The following CDCA7L variants were observed in gnomAD, a reference collection of about 807,000 sequenced individuals.
The protein encoded by CDCA7L is cell division cycle-associated 7-like protein.
Under a neutral mutation model 57.4 loss-of-function variants are expected in CDCA7L, and 44 were observed. The observed-to-expected ratio is 0.77, with a 90% CI of 0.60 to 0.98. The LOEUF (loss-of-function observed/expected upper bound fraction) is 0.98. Among genes scored for constraint, CDCA7L ranks in the 50% least tolerant of loss-of-function variants. The pLI is 0.00. For synonymous variants in CDCA7L, 236 were observed against 202.8 expected, an observed-to-expected ratio of 1.16 and a Z score of -1.39; for missense variants, 644 against 580.6, an observed-to-expected ratio of 1.11 and a Z score of -1.12.
At chr7:21,907,718 T>TG (rs1785183494) in intron 4 of CDCA7L, among the ~76,000 whole-genome samples, 1 of 152,166 alleles carries the variant, frequency 6.6e-6, no homozygotes, top group African/African-American at 2.4e-5. Flanking sequence ...AGTGGTTCTG[T>TG]GGTGAAAAGC....
intron 1 of CDCA7L, among the ~76,000 whole-genome samples, chr7:21,937,140 C>G (rs989396275): frequency 1.3e-5 from 2 of 152,078 alleles, no homozygotes; most frequent in African/African-American, 4.8e-5. Flanking sequence ...CCGAAAAAAT[C>G]AAGGAAGACA....
At chr7:21,907,468 T>TA (rs767524661) in intron 4 of CDCA7L, among the ~76,000 whole-genome samples, 6 of 151,334 alleles carry the variant, frequency 4.0e-5, no homozygotes, top group African/African-American at 7.3e-5. Context: ...TAGAACTATT[T>TA]AAAAAAAAAC....
intron 1 of CDCA7L, among the ~76,000 whole-genome samples, chr7:21,940,910 A>C (rs1786321844): frequency 6.6e-6 from 1 of 152,240 alleles, no homozygotes; most frequent in South Asian, 2.1e-4. Flanking sequence ...CTTTCCCCCC[A>C]ACTAGAACAT....
Position 21,916,767 on chromosome 7 carries a change from T to A in CDCA7L, c.152A>T (p.Glu51Val). The part of the protein sequence containing the change: ...EESCDSFDSL[E>V]SGKQQDVRFH... The stretch of plus-strand genomic sequence containing the variant: ...AATCATCCATACCTGTTTCCCTGAC[T>A]CTAGTGAGTCAAAACTATCGCAGCT... The change falls in exon 2 of 10, where the codon GAG becomes GTG. Residue 51 changes from glutamate to valine, a missense_variant. Physicochemically the swap from Glu to Val is moderately radical, Grantham distance 121 (BLOSUM62 -2). Transcript: ENST00000406877. 6.2e-7 allele frequency: 1 copy of A among 1,614,014 alleles called. No homozygotes were observed. The highest frequency in any genetic ancestry group is 8.5e-7 in the Non-Finnish European group (1 of 1,179,948).
In CDCA7L at chr7:21,901,555, CAAGACTCCATCTCAAAAAAAA is replaced by C. The variant is rs561308487; in HGVS notation, c.*746_*766del. The C allele has an allele frequency of 1.2e-4, 26 of 211,468 alleles. 1 individual carries two copies. The East Asian group carries it at 2.4e-3, about 20-fold the overall frequency. 13.1% of individuals were successfully genotyped at this position (211,468 alleles called of 1,614,324 possible). On this transcript the variant is annotated 3_prime_UTR_variant, in exon 10 of 10. Transcript: ENST00000406877. ...CTGCACTCCCTCCTGGGCAACAGAACAAGACTCCATCTCAAAAAAAAAAAAGTACATCATAAAAGTACATCA... is the reference window on the plus strand; with the variant it reads ...CTGCACTCCCTCCTGGGCAACAGAACAAAAGTACATCATAAAAGTACATCA...
At chr7:21,903,505 G>A (rs1299925564) in intron 8 of CDCA7L, among the ~76,000 whole-genome samples, 1 of 152,078 alleles carries the variant, frequency 6.6e-6, no homozygotes, top group Non-Finnish European at 1.5e-5. Flanking sequence ...TGACTAACCT[G>A]AGCAGCAGTT....
chr7:21,911,151 T>C (rs901069991), intron 3 of CDCA7L, among the ~76,000 whole-genome samples: 13 of 149,716 alleles, frequency 8.7e-5, no homozygotes, highest in Admixed American at 2.0e-4. Flanking sequence ...TGCCTCCGCC[T>C]CCCGAGTAGC....
intron 8 of CDCA7L, 167 bp downstream of exon 8, chr7:21,903,943 G>C (rs1176860515): frequency 1.7e-6 from 1 of 572,562 alleles, no homozygotes; most frequent in Non-Finnish European, 2.8e-6. Flanking sequence ...TCTCCTTCCA[G>C]AAGGAATCCC....
rs1206183790 is a variant in CDCA7L at position 21,944,852 on chromosome 7, C to G, written c.24+929G>C. ...GAAGCAAGGTGGAAGCAGTGAGTCTCGCGACTCTCAATAAAACAAGTGGAA... is the reference window on the plus strand; with the variant it reads ...GAAGCAAGGTGGAAGCAGTGAGTCTGGCGACTCTCAATAAAACAAGTGGAA... On this transcript the variant is annotated intron_variant, in intron 1 of 9. Transcript: ENST00000406877. 1.9e-4 allele frequency: 28 copies of G among 150,654 alleles called. 1 individual carries two copies. The highest frequency in any genetic ancestry group is 9.3e-4 in the Admixed American group (14 of 15,122). 9.3% of individuals were successfully genotyped at this position (150,654 alleles called of 1,614,324 possible). A position where few individuals can be genotyped will look rare whatever the true frequency, so the allele number is the denominator to read the frequency against.
In CDCA7L at chr7:21,901,065, A is replaced by T. The variant is rs749087633; in HGVS notation, c.*1257T>A. On this transcript the variant is annotated 3_prime_UTR_variant, in exon 10 of 10. Coordinates refer to ENST00000406877, the MANE Select transcript of CDCA7L (RefSeq NM_018719.5). ...TTGAAGCCCGTCTCAAGGAGCTGGC[A>T]TGCCCTATGCCGGTCATCTTTGCAA... 3 of 1,613,778 alleles carry T rather than the reference A, an allele frequency of 1.9e-6. No homozygotes were observed. In the African/African-American group the frequency reaches 4.0e-5, roughly 22 times the overall value.
At chr7:21,936,310 A>C (rs999484472) in intron 1 of CDCA7L, among the ~76,000 whole-genome samples, 1 of 152,226 alleles carries the variant, frequency 6.6e-6, no homozygotes, top group African/African-American at 2.4e-5. Context: ...AGAAGGAGGA[A>C]CACTTGAAAC....
chr7:21,941,953 G>C (rs1354065088), intron 1 of CDCA7L, among the ~76,000 whole-genome samples: 2 of 152,178 alleles, frequency 1.3e-5, no homozygotes, highest in African/African-American at 2.4e-5. Flanking sequence ...GGTCCCCATA[G>C]CACAGAGCAG....
chr7:21,902,362 A>AGAT lies in CDCA7L; in HGVS notation c.1335-13_1335-11dup. 3 of 1,613,540 alleles carry AGAT rather than the reference A, an allele frequency of 1.9e-6. No homozygotes were observed. The highest frequency in any genetic ancestry group is 2.5e-6 in the Non-Finnish European group (3 of 1,179,508). On this transcript the variant is annotated splice_polypyrimidine_tract_variant and intron_variant, in intron 9 of 9. Coordinates refer to ENST00000406877, the MANE Select transcript of CDCA7L (RefSeq NM_018719.5). ...CAGCTCCTTTTGTAAGCTGGGAAAA[A>AGAT]GATGAGAAGTATTTGGTAAAGTAGT...
chr7:21,916,517 A>T (rs1331174814), intron 2 of CDCA7L, among the ~76,000 whole-genome samples: 2 of 744 alleles, frequency 2.7e-3, no homozygotes, highest in Non-Finnish European at 7.9e-3. Context: ...CTTTATTTAA[A>T]AAAAAAAAAA....
Position 21,919,119 on chromosome 7 carries a change from T to G in CDCA7L, c.25-2225A>C, listed in dbSNP as rs911674268. Among the ~76,000 whole-genome samples, 5 of 152,130 alleles carry G rather than the reference T, an allele frequency of 3.3e-5. No homozygotes were observed. The East Asian group carries it at 9.7e-4, about 29-fold the overall frequency. ...AGGCATGAGCCAGGGCACCCTTGAA[T>G]GAATTATTACATTAGGGACTGCAAA... is the stretch of plus-strand genomic sequence containing the variant. On this transcript the variant is annotated intron_variant, in intron 1 of 9. Transcript: ENST00000406877.
chr7:21,916,968 G>A (rs2128062173), intron 1 of CDCA7L, 74 bp from the exon 2 acceptor site: 2 of 1,557,078 alleles, frequency 1.3e-6, no homozygotes, highest in Middle Eastern at 3.7e-4. Context: ...TTCTGGAGGG[G>A]AGGAGAGATC....
At chr7:21,933,053 C>G (rs1296906652) in intron 1 of CDCA7L, among the ~76,000 whole-genome samples, 2 of 151,848 alleles carry the variant, frequency 1.3e-5, no homozygotes, top group Non-Finnish European at 2.9e-5. Flanking sequence ...TGAAAAAAAG[C>G]TCATCATCAC....
chr7:21,907,207 T>C (rs1785169400), intron 4 of CDCA7L, among the ~76,000 whole-genome samples: 1 of 152,208 alleles, frequency 6.6e-6, no homozygotes, highest in South Asian at 2.1e-4. Context: ...TTTATACAAT[T>C]ATATGAGTGC....
At chr7:21,905,360 C>T (rs936682598) in intron 7 of CDCA7L, 146 bp downstream of exon 7, 5 of 823,572 alleles carry the variant, frequency 6.1e-6, no homozygotes, top group Middle Eastern at 3.8e-4. Flanking sequence ...TTCCCAGGTA[C>T]AGCTGACTTT....
Sources: gnomAD v4.1 joint callset for allele counts (sites outside exome capture counted in the v4.1 genomes callset) on GRCh38, gnomAD v4.1.1 for gene constraint, MANE v1.5 for transcripts, NCBI Gene and HGNC (gene_info 2026-07-23, HGNC 2026-07-21) for gene names.